GABRA2: variants seen among roughly 807,000 people sequenced by gnomAD.
GABRA2 encodes gamma-aminobutyric acid type A receptor subunit alpha2.
GABRA2 carries 16 observed loss-of-function variants against 48.7 expected under a neutral mutation model. That is an observed-to-expected ratio of 0.33 (90% CI 0.22 to 0.50). The LOEUF (loss-of-function observed/expected upper bound fraction) is 0.50, where lower values mean the gene tolerates loss of function less well. Among genes scored for constraint, GABRA2 ranks in the 20% least tolerant of loss-of-function variants. The pLI is 0.98. For missense variants in GABRA2, 275 were observed against 535.6 expected (o/e 0.51, Z 4.80); for synonymous variants, 185 against 184.5 (o/e 1.00, Z -0.02).
chr4:46,287,136 G>A (rs1364833690), intron 8 of GABRA2, among the ~76,000 whole-genome samples: 2 of 152,066 alleles, frequency 1.3e-5, no homozygotes, highest in East Asian at 1.9e-4. Flanking sequence ...TGTGTCTTAA[G>A]TGAGGTAGGG....
At chr4:46,288,813 C>T (rs1723036809) in intron 8 of GABRA2, among the ~76,000 whole-genome samples, 1 of 151,770 alleles carries the variant, frequency 6.6e-6, no homozygotes, top group Non-Finnish European at 1.5e-5. Flanking sequence ...GCAAACTATG[C>T]ATCTGAAAAA....
intron 4 of GABRA2, among the ~76,000 whole-genome samples, chr4:46,331,104 C>A (rs1440129): frequency 0.41 from 62,100 of 151,932 alleles, 13,212 homozygotes; most frequent in East Asian, 0.56. Flanking sequence ...ACAATAATGC[C>A]AGGGAAAAAG....
At chr4:46,276,080 C>G (rs1205458796) in intron 8 of GABRA2, among the ~76,000 whole-genome samples, 1 of 151,978 alleles carries the variant, frequency 6.6e-6, no homozygotes, top group Admixed American at 6.6e-5. Flanking sequence ...ATAAACATTA[C>G]TCTTACCAAA....
chr4:46,321,249 A>T (rs1729402001), intron 4 of GABRA2, among the ~76,000 whole-genome samples: 2 of 151,892 alleles, frequency 1.3e-5, no homozygotes, highest in Admixed American at 1.3e-4. Flanking sequence ...AAGAGGGAAA[A>T]AATGGGGAGG....
intron 8 of GABRA2, among the ~76,000 whole-genome samples, chr4:46,290,060 C>T (rs894583423): frequency 1.3e-5 from 2 of 149,590 alleles, no homozygotes; most frequent in African/African-American, 4.9e-5. Flanking sequence ...TACAGGCGCC[C>T]GCCACCGTGC....
intron 3 of GABRA2, among the ~76,000 whole-genome samples, chr4:46,384,252 A>G (rs1263152548): frequency 6.6e-6 from 1 of 152,180 alleles, no homozygotes; most frequent in Non-Finnish European, 1.5e-5. Flanking sequence ...AGAGAGTGAC[A>G]TATGAAAAGG....
intron 8 of GABRA2, among the ~76,000 whole-genome samples, chr4:46,297,708 T>A (rs757075691): frequency 9.0e-4 from 137 of 151,706 alleles, no homozygotes; most frequent in Non-Finnish European, 1.7e-3. Flanking sequence ...CAACCTTTGG[T>A]CTTGTTGATG....
chr4:46,259,120 A>T (rs559952852), intron 9 of GABRA2, among the ~76,000 whole-genome samples: 1 of 151,976 alleles, frequency 6.6e-6, no homozygotes, highest in Non-Finnish European at 1.5e-5. Context: ...AAATAAGAAA[A>T]CAATAACTAA....
intron 8 of GABRA2, among the ~76,000 whole-genome samples, chr4:46,272,292 A>G (rs528893620): frequency 6.6e-6 from 1 of 152,174 alleles, no homozygotes; most frequent in South Asian, 2.1e-4. Context: ...CCCACAATGT[A>G]AGAATGTGCT....
intron 8 of GABRA2, among the ~76,000 whole-genome samples, chr4:46,298,466 A>C (rs933238443): frequency 2.6e-5 from 4 of 151,958 alleles, no homozygotes; most frequent in Admixed American, 6.6e-5. Flanking sequence ...AATGCATTTG[A>C]TGATGCTTAG....
In GABRA2 at chr4:46,324,363, A is replaced by G. The variant is rs912303554; in HGVS notation, c.255+8252T>C. On this transcript the variant is annotated intron_variant, in intron 4 of 9. Transcript: ENST00000381620. The stretch of plus-strand genomic sequence containing the variant: ...TGATGTCTGTCAACTATCTACATGT[A>G]TTGATATCCCCTAGAAAATATATGG... Among the ~76,000 whole-genome samples the G allele has an allele frequency of 3.9e-5, 6 of 152,000 alleles. No individual in the cohort carries two copies. In the East Asian group the frequency reaches 7.8e-4, roughly 20 times the overall value.
intron 4 of GABRA2, among the ~76,000 whole-genome samples, chr4:46,321,323 A>G (rs1729413722): frequency 6.6e-6 from 1 of 151,966 alleles, no homozygotes; most frequent in South Asian, 2.1e-4. Context: ...AAGGTAAAAC[A>G]TAACGACTAT....
Position 46,388,710 on chromosome 4 carries a change from C to G in GABRA2, c.-4G>C, listed in dbSNP as rs200471903. 3 of 1,613,978 alleles carry G rather than the reference C, an allele frequency of 1.9e-6. No individual in the cohort carries two copies. Among genetic ancestry groups the G allele is most frequent in the Non-Finnish European group, 2.5e-6 (3 of 1,179,992 alleles). On this transcript the variant is annotated 5_prime_UTR_variant, in exon 2 of 10. Transcript: ENST00000381620. The stretch of plus-strand genomic sequence containing the variant: ...AGATGTTCAATTTTGTCTTCATCAC[C>G]GCCGCTCTTTACAAAGCCATGGAAT...
At chr4:46,354,985 T>C (rs1451571208) in intron 3 of GABRA2, among the ~76,000 whole-genome samples, 2 of 152,124 alleles carry the variant, frequency 1.3e-5, no homozygotes, top group African/African-American at 4.8e-5. Flanking sequence ...TAATTATACA[T>C]ACTAAGTCAC....
chr4:46,343,817 T>C (rs1263585204), intron 3 of GABRA2, among the ~76,000 whole-genome samples: 10 of 152,010 alleles, frequency 6.6e-5, no homozygotes. Flanking sequence ...TTGCCATCTA[T>C]GTATATCTGT....
At chr4:46,357,539 C>T (rs1034745020) in intron 3 of GABRA2, among the ~76,000 whole-genome samples, 3 of 151,248 alleles carry the variant, frequency 2.0e-5, no homozygotes, top group Non-Finnish European at 4.4e-5. Flanking sequence ...CCTCAATCAT[C>T]TATTCAAATA....
chr4:46,372,140 T>G (rs1408643647), intron 3 of GABRA2, among the ~76,000 whole-genome samples: 1 of 152,204 alleles, frequency 6.6e-6, no homozygotes, highest in East Asian at 1.9e-4. Context: ...AACTTTTCTA[T>G]TAGAGAGTTA....
At chr4:46,320,524 C>T (rs542573614) in intron 4 of GABRA2, among the ~76,000 whole-genome samples, 1 of 151,922 alleles carries the variant, frequency 6.6e-6, no homozygotes, top group African/African-American at 2.4e-5. Context: ...AAAATACTTG[C>T]AGATTATATA....
At position 46,368,307 on chromosome 4, in the gene GABRA2, C is replaced by G. The variant is rs532332510; in HGVS notation, c.187+17767G>C. The G allele has an allele frequency of 5.7e-4, 87 of 152,212 alleles. 1 individual carries two copies. Among genetic ancestry groups the G allele is most frequent in the African/African-American group, 2.0e-3 (83 of 41,538 alleles). The allele number at this position is 152,212 out of a possible 1,614,324, so 9.4% of individuals were successfully genotyped here. A position where few individuals can be genotyped will look rare whatever the true frequency, so the allele number is the denominator to read the frequency against. ...TCAGAACAATGGGGGACAGAGGCCT[C>G]TCTTTGAGGTTTTGAGGAAAATGCT... On this transcript the variant is annotated intron_variant, in intron 3 of 9. Transcript: ENST00000381620.
Sources: allele counts gnomAD v4.1 joint callset (sites outside exome capture counted in the v4.1 genomes callset), GRCh38; gene constraint gnomAD v4.1.1; transcripts MANE v1.5; gene names NCBI Gene and HGNC (gene_info 2026-07-23, HGNC 2026-07-21).